The following DLC1 variants were observed in gnomAD, a reference collection of about 807,000 sequenced individuals.
The protein encoded by DLC1 is rho GTPase-activating protein 7.
In DLC1, 54 loss-of-function variants were observed where a neutral mutation model predicts 140.3. The ratio of observed to expected loss-of-function variants is 0.38; its 90% CI spans 0.31 to 0.48. The LOEUF (loss-of-function observed/expected upper bound fraction) is 0.48. Among genes scored for constraint, DLC1 ranks in the 20% least tolerant of loss-of-function variants. The pLI, the probability that DLC1 is intolerant of heterozygous loss-of-function variation, is 0.96. For missense variants in DLC1, 2,536 were observed against 1,907.0 expected, an observed-to-expected ratio of 1.33 and a Z score of -6.14; for synonymous variants, 986 against 728.1, an observed-to-expected ratio of 1.35 and a Z score of -5.70.
intron 1 of DLC1, among the ~76,000 whole-genome samples, chr8:13,550,211 A>T (rs966950238): frequency 6.6e-6 from 1 of 152,044 alleles, no homozygotes; most frequent in Admixed American, 6.6e-5. Flanking sequence ...TGTGCTTGTG[A>T]TAGGGAGGGA....
At chr8:13,098,695 A>T (rs1364559761) in intron 9 of DLC1, 120 bp from the exon 10 acceptor site, 1 of 1,073,932 alleles carries the variant, frequency 9.3e-7, no homozygotes, top group Admixed American at 2.8e-5. Flanking sequence ...AGCTCACTGC[A>T]GCCTTGAACT....
intron 1 of DLC1, among the ~76,000 whole-genome samples, chr8:13,544,423 A>G (rs970694191): frequency 5.9e-5 from 9 of 152,204 alleles, no homozygotes; most frequent in Admixed American, 1.3e-4. Context: ...TTTGGTTATG[A>G]GGTTAATCTG....
At chr8:13,261,050 A>C (rs1315829987) in intron 5 of DLC1, among the ~76,000 whole-genome samples, 1 of 152,244 alleles carries the variant, frequency 6.6e-6, no homozygotes, top group African/African-American at 2.4e-5. Context: ...GCACGTTTCT[A>C]AGCACTAGGA....
chr8:13,513,754 T>G (rs1036652946), intron 1 of DLC1, among the ~76,000 whole-genome samples: 2 of 152,158 alleles, frequency 1.3e-5, no homozygotes, highest in African/African-American at 4.8e-5. Flanking sequence ...TTGAAGAGAC[T>G]ACAGTCAGGT....
At chr8:13,496,353 A>G (rs1020300165) in intron 2 of DLC1, among the ~76,000 whole-genome samples, 5 of 152,154 alleles carry the variant, frequency 3.3e-5, no homozygotes, top group African/African-American at 1.2e-4. Context: ...TATACTAAAT[A>G]TTATTTTATT....
chr8:13,579,667 C>A (rs1442707665), intron 1 of DLC1, among the ~76,000 whole-genome samples: 1 of 134,526 alleles, frequency 7.4e-6, no homozygotes, highest in African/African-American at 2.8e-5. Flanking sequence ...TATACACATA[C>A]ATATGTATGT....
chr8:13,420,542 A>T (rs1838269427), intron 2 of DLC1, among the ~76,000 whole-genome samples: 1 of 151,948 alleles, frequency 6.6e-6, no homozygotes, highest in African/African-American at 2.4e-5. Context: ...ATTTGTCCTA[A>T]TGCTCTCCCT....
chr8:13,305,178 A>G (rs1323519888), intron 5 of DLC1, 91 bp downstream of exon 5: 7 of 1,529,066 alleles, frequency 4.6e-6, no homozygotes, highest in African/African-American at 1.4e-5. Context: ...TGAGATGTAT[A>G]CATTTTATAT....
Position 13,094,963 on chromosome 8 carries a change from G to T in DLC1, c.3328-6C>A. On this transcript the variant is annotated splice_polypyrimidine_tract_variant and splice_region_variant and intron_variant, in intron 11 of 17. Coordinates refer to ENST00000276297, the MANE Select transcript of DLC1 (RefSeq NM_182643.3). Reference sequence around the variant, plus strand: ...GATTTTCTGAAGAGCCCAACCTGTCGGAAGAGCAACACTAAGTGTGGGGTA... The same window carrying T: ...GATTTTCTGAAGAGCCCAACCTGTCTGAAGAGCAACACTAAGTGTGGGGTA... The T allele has an allele frequency of 6.2e-7, 1 of 1,614,104 alleles. No homozygotes were observed. The highest frequency in any genetic ancestry group is 1.1e-5 in the South Asian group (1 of 91,068).
Position 13,514,603 on chromosome 8 carries a change from T to C in DLC1, c.-127A>G. On this transcript the variant is annotated splice_region_variant and 5_prime_UTR_variant, in exon 1 of 18. Transcript: ENST00000276297. ...TAAAGATAGTCCATAGCGTCTTACC[T>C]AGACAACGAGGAGCTGAAACGCCAA... 1 of 398,576 alleles carries C rather than the reference T, an allele frequency of 2.5e-6. No individual in the cohort carries two copies. Among genetic ancestry groups the C allele is most frequent in the Non-Finnish European group, 4.4e-6 (1 of 226,014 alleles). 24.7% of individuals were successfully genotyped at this position (398,576 alleles called of 1,614,324 possible).
chr8:13,305,110 A>G lies in DLC1; in HGVS notation c.1348+159T>C, dbSNP rs561332707. 13 of 1,323,692 alleles carry G rather than the reference A, an allele frequency of 9.8e-6. No individual in the cohort carries two copies. The East Asian group carries it at 2.6e-4, about 26-fold the overall frequency. The allele number at this position is 1,323,692 out of a possible 1,614,324, so 82.0% of individuals were successfully genotyped here. A position where few individuals can be genotyped will look rare whatever the true frequency, so the allele number is the denominator to read the frequency against. ...AGAAAACCACGTATATTTTTCTTAC[A>G]TATTGAGCAAAACAAATTTCTTTTA... is the stretch of plus-strand genomic sequence containing the variant. On this transcript the variant is annotated intron_variant, in intron 5 of 17. Transcript: ENST00000276297.
chr8:13,360,689 A>G (rs2117073413), intron 4 of DLC1, among the ~76,000 whole-genome samples: 1 of 152,270 alleles, frequency 6.6e-6, no homozygotes, highest in African/African-American at 2.4e-5. Flanking sequence ...TCTTTTATAA[A>G]TAATGTAATT....
chr8:13,383,968 A>G (rs777767321), intron 4 of DLC1, among the ~76,000 whole-genome samples: 15 of 152,218 alleles, frequency 9.9e-5, no homozygotes, highest in Non-Finnish European at 1.9e-4. Flanking sequence ...GATTAGCTGC[A>G]TAACAACCCC....
chr8:13,601,936 C>A (rs2623392), intron 1 of DLC1, among the ~76,000 whole-genome samples: 1 of 151,738 alleles, frequency 6.6e-6, no homozygotes, highest in Non-Finnish European at 1.5e-5. Context: ...AGAATTAATT[C>A]TATGCTTTCA....
chr8:13,554,147 A>G (rs962436780), intron 1 of DLC1, among the ~76,000 whole-genome samples: 1 of 151,158 alleles, frequency 6.6e-6, no homozygotes, highest in Admixed American at 6.6e-5. Flanking sequence ...ACTCACTGCA[A>G]CCTCTGCCTC....
At chr8:13,587,731 A>G (rs1462606235) in intron 1 of DLC1, among the ~76,000 whole-genome samples, 1 of 151,330 alleles carries the variant, frequency 6.6e-6, no homozygotes, top group African/African-American at 2.4e-5. Flanking sequence ...GAAGTCTTTT[A>G]TTATATGTTG....
At chr8:13,572,380 G>T (rs990995282) in intron 1 of DLC1, among the ~76,000 whole-genome samples, 2 of 152,058 alleles carry the variant, frequency 1.3e-5, no homozygotes, top group African/African-American at 4.8e-5. Flanking sequence ...TTATATTTTG[G>T]ATAGTAAATT....
At chr8:13,391,096 G>A (rs182679583) in intron 4 of DLC1, among the ~76,000 whole-genome samples, 7 of 152,302 alleles carry the variant, frequency 4.6e-5, no homozygotes, top group Admixed American at 3.3e-4. Flanking sequence ...TGATGGTGGA[G>A]TATTTCTTTC....
Position 13,091,399 on chromosome 8 carries a change from T to G in DLC1, c.3774A>C (p.Pro1258=), listed in dbSNP as rs1225372979. ...GGTTTTCATTCAAATCTTTCTGATC[T>G]GGTTTGCCCAAACTTTGTTTTCTTT... ...VMQRKQSLGK[P]DQKDLNENLA... Residue 1258 remains proline, a synonymous_variant, in exon 14 of 18, where the codon CCA becomes CCC. Coordinates refer to ENST00000276297, the MANE Select transcript of DLC1 (RefSeq NM_182643.3). 2 of 1,614,072 alleles carry G rather than the reference T, an allele frequency of 1.2e-6. No homozygotes were observed. Among genetic ancestry groups the G allele is most frequent in the Non-Finnish European group, 1.7e-6 (2 of 1,180,038 alleles).
Sources: allele counts gnomAD v4.1 joint callset (sites outside exome capture counted in the v4.1 genomes callset), GRCh38; gene constraint gnomAD v4.1.1; transcripts MANE v1.5; gene names NCBI Gene and HGNC (gene_info 2026-07-23, HGNC 2026-07-21).